Variants in CDH12 observed in about 807,000 individuals in gnomAD.
CDH12 encodes the protein cadherin 12, also known as cadherin-12.
A neutral mutation model predicts 74.1 loss-of-function variants in CDH12; 41 were observed. The observed-to-expected ratio is 0.55, with a 90% CI of 0.43 to 0.72. The LOEUF is 0.72. CDH12 is among the 30% of genes least tolerant of loss of function. The pLI is 0.00. For synonymous variants in CDH12, 399 were observed against 355.0 expected, an observed-to-expected ratio of 1.12 and a Z score of -1.39; for missense variants, 945 against 977.2, an observed-to-expected ratio of 0.97 and a Z score of 0.44.
rs570745702 is a variant in CDH12, at chr5:22,560,459, T to C, written c.-522-55095A>G. ...ATAAGAGGTGCTTACTGTATCTCAG[T>C]TTTCTTTATTTATATAGACTTAATT... On this transcript the variant is annotated intron_variant, in intron 1 of 14. Coordinates refer to ENST00000382254, the MANE Select transcript of CDH12 (RefSeq NM_004061.5). Among the ~76,000 whole-genome samples, 16 of 152,198 alleles carry C rather than the reference T, an allele frequency of 1.1e-4. No homozygotes were observed. In the South Asian group the frequency reaches 3.1e-3, roughly 30 times the overall value.
At chr5:22,761,088 A>T (rs1454861800) in intron 1 of CDH12, among the ~76,000 whole-genome samples, 1 of 152,128 alleles carries the variant, frequency 6.6e-6, no homozygotes. Context: ...TTTTTGTCAT[A>T]GTTTAAAATA....
At chr5:22,423,346 C>CAG (rs1441973872) in intron 2 of CDH12, among the ~76,000 whole-genome samples, 3 of 152,092 alleles carry the variant, frequency 2.0e-5, no homozygotes, top group Non-Finnish European at 2.9e-5. Context: ...CTGAGATGTG[C>CAG]AGAAACCAAG....
At chr5:22,012,429 T>C (rs1222758039) in intron 5 of CDH12, among the ~76,000 whole-genome samples, 2 of 152,112 alleles carry the variant, frequency 1.3e-5, no homozygotes, top group African/African-American at 2.4e-5. Context: ...GTTAAGAAAA[T>C]GAAAAAGTGC....
At chr5:22,467,026 C>A (rs1292869608) in intron 2 of CDH12, among the ~76,000 whole-genome samples, 2 of 151,612 alleles carry the variant, frequency 1.3e-5, no homozygotes, top group Non-Finnish European at 2.9e-5. Context: ...ACCTCGTGAT[C>A]CGCCCACCTC....
At chr5:22,619,913 T>A (rs1737885884) in intron 1 of CDH12, among the ~76,000 whole-genome samples, 1 of 152,108 alleles carries the variant, frequency 6.6e-6, no homozygotes, top group Non-Finnish European at 1.5e-5. Context: ...AAAATTATTA[T>A]TTTTTGCTTT....
chr5:22,503,092 G>C (rs1435286068), intron 2 of CDH12, among the ~76,000 whole-genome samples: 2 of 152,024 alleles, frequency 1.3e-5, no homozygotes, highest in Non-Finnish European at 2.9e-5. Flanking sequence ...GAACAAGAAG[G>C]TATTCTATAA....
intron 1 of CDH12, among the ~76,000 whole-genome samples, chr5:22,647,658 A>G (rs1739516594): frequency 1.3e-5 from 2 of 151,786 alleles, no homozygotes; most frequent in Non-Finnish European, 2.9e-5. Context: ...ATTTAACTTT[A>G]ATAACCTCTT....
intron 3 of CDH12, among the ~76,000 whole-genome samples, chr5:22,273,044 T>A (rs1561272982): frequency 6.6e-6 from 1 of 152,144 alleles, no homozygotes; most frequent in Non-Finnish European, 1.5e-5. Context: ...GAGAACAGCA[T>A]GACAGAACCA....
chr5:21,824,252 A>G (rs1259377094), intron 8 of CDH12, among the ~76,000 whole-genome samples: 1 of 151,912 alleles, frequency 6.6e-6, no homozygotes, highest in African/African-American at 2.4e-5. Context: ...TCACCTCACC[A>G]TTGGAGGCAG....
At chr5:21,973,216 A>C (rs1379859436) in intron 6 of CDH12, among the ~76,000 whole-genome samples, 1 of 152,100 alleles carries the variant, frequency 6.6e-6, no homozygotes, top group East Asian at 1.9e-4. Flanking sequence ...CAAAATAAAT[A>C]AATAAAAATG....
chr5:22,280,401 G>A (rs577279971), intron 3 of CDH12, among the ~76,000 whole-genome samples: 1,523 of 152,008 alleles, frequency 0.01, 19 homozygotes, highest in Non-Finnish European at 0.015. Flanking sequence ...ATAGAGACAC[G>A]AAAAACCCTT....
At chr5:21,767,494 A>G (rs1745093951) in intron 11 of CDH12, among the ~76,000 whole-genome samples, 1 of 151,642 alleles carries the variant, frequency 6.6e-6, no homozygotes, top group South Asian at 2.1e-4. Context: ...TGTTTCCCCA[A>G]AAGTACTATT....
In CDH12 at chr5:21,965,315, A is replaced by G. The variant is rs545633446; in HGVS notation, c.526+9776T>C. On this transcript the variant is annotated intron_variant, in intron 6 of 14. Coordinates refer to ENST00000382254, the MANE Select transcript of CDH12 (RefSeq NM_004061.5). ...AACACAGGCAAAAAGAGAGGGGAAA[A>G]AGGGTATATTAAAAAAAGACCTTTG... 1.8e-3 allele frequency among the ~76,000 whole-genome samples: 270 copies of G among 152,100 alleles called. 3 individuals are homozygous for G. The highest frequency in any genetic ancestry group is 5.9e-3 in the African/African-American group (247 of 41,548).
intron 2 of CDH12, among the ~76,000 whole-genome samples, chr5:22,440,171 A>G (rs760280255): frequency 1.3e-5 from 2 of 152,114 alleles, no homozygotes; most frequent in African/African-American, 2.4e-5. Flanking sequence ...GTAGTATGCT[A>G]TCAAAAATAT....
At chr5:21,882,967 A>G in intron 6 of CDH12, 1 of 1,599,732 alleles carries the variant, frequency 6.3e-7, no homozygotes, top group Non-Finnish European at 8.6e-7. Context: ...ATAGCCAAGG[A>G]AGGCTTCCAG....
chr5:22,758,072 C>G (rs536039997), intron 1 of CDH12, among the ~76,000 whole-genome samples: 2 of 152,210 alleles, frequency 1.3e-5, no homozygotes, highest in South Asian at 4.1e-4. Context: ...AGCACTATGG[C>G]GAGATAATTA....
intron 5 of CDH12, among the ~76,000 whole-genome samples, chr5:22,076,739 T>C (rs1742341277): frequency 6.6e-6 from 1 of 152,152 alleles, no homozygotes. Context: ...TGCAGTAACC[T>C]CCGGGGACTT....
At chr5:22,359,743 G>A (rs1048299456) in intron 3 of CDH12, among the ~76,000 whole-genome samples, 1 of 152,158 alleles carries the variant, frequency 6.6e-6, no homozygotes, top group African/African-American at 2.4e-5. Context: ...TCAGACCACA[G>A]TGCAATCAAA....
At chr5:22,522,830 C>A (rs1297608179) in intron 1 of CDH12, among the ~76,000 whole-genome samples, 9 of 152,148 alleles carry the variant, frequency 5.9e-5, no homozygotes, top group South Asian at 2.1e-4. Flanking sequence ...TCTAATCCTC[C>A]ACCTACAAAC....
Sources: allele counts gnomAD v4.1 joint callset (sites outside exome capture counted in the v4.1 genomes callset), GRCh38; gene constraint gnomAD v4.1.1; transcripts MANE v1.5; gene names NCBI Gene and HGNC (gene_info 2026-07-23, HGNC 2026-07-21).